GRIA1: variants seen among roughly 807,000 people sequenced by gnomAD.
GRIA1 encodes the protein glutamate receptor 1.
Under a neutral mutation model 99.2 loss-of-function variants are expected in GRIA1, and 31 were observed. The ratio of observed to expected loss-of-function variants is 0.31; its 90% CI spans 0.23 to 0.42. The LOEUF is 0.42. Ranked by LOEUF, GRIA1 falls within the 10% of genes least tolerant of loss-of-function variation. GRIA1 has a pLI of 1.00. For missense variants in GRIA1, 782 were observed against 1,157.5 expected (o/e 0.68, Z 4.71); for synonymous variants, 438 against 432.4 (o/e 1.01, Z -0.16).
intron 2 of GRIA1, among the ~76,000 whole-genome samples, chr5:153,579,171 TC>T (rs1035583865): frequency 6.6e-6 from 1 of 152,170 alleles, no homozygotes; most frequent in African/African-American, 2.4e-5. Flanking sequence ...AACCATCATT[TC>T]CCCAAAGCTC....
chr5:153,492,952 A>AT (rs1754065652), intron 1 of GRIA1, among the ~76,000 whole-genome samples: 1 of 152,224 alleles, frequency 6.6e-6, no homozygotes, highest in African/African-American at 2.4e-5. Context: ...TTAGAAGTGC[A>AT]TTATGTTTGG....
chr5:153,517,557 GGCA>G (rs999772677), intron 2 of GRIA1, among the ~76,000 whole-genome samples: 24 of 152,272 alleles, frequency 1.6e-4, no homozygotes, highest in African/African-American at 5.8e-4. Flanking sequence ...AAGTAGCTGT[GGCA>G]GCTCCTTATA....
At chr5:153,541,872 G>A (rs1180429831) in intron 2 of GRIA1, among the ~76,000 whole-genome samples, 1 of 145,890 alleles carries the variant, frequency 6.9e-6, no homozygotes, top group African/African-American at 2.5e-5. Flanking sequence ...GGAGGTTGCA[G>A]TGAGCTGAGA....
chr5:153,627,462 C>A (rs113654289), intron 2 of GRIA1, among the ~76,000 whole-genome samples: 217 of 152,276 alleles, frequency 1.4e-3, no homozygotes, highest in Middle Eastern at 6.8e-3. Context: ...TTCCAGGTGG[C>A]CTTTCAGCCC....
chr5:153,580,769 A>G (rs762881195), intron 2 of GRIA1, among the ~76,000 whole-genome samples: 2 of 152,162 alleles, frequency 1.3e-5, no homozygotes, highest in Non-Finnish European at 2.9e-5. Flanking sequence ...TGAAATTTGG[A>G]TTCAGGAAGA....
At chr5:153,758,640 G>C (rs1284760055) in intron 11 of GRIA1, among the ~76,000 whole-genome samples, 1 of 151,920 alleles carries the variant, frequency 6.6e-6, no homozygotes, top group Admixed American at 6.6e-5. Context: ...TTCCACAATA[G>C]AGAGATCATC....
chr5:153,600,770 T>C (rs1764881912), intron 2 of GRIA1, among the ~76,000 whole-genome samples: 1 of 152,184 alleles, frequency 6.6e-6, no homozygotes, highest in South Asian at 2.1e-4. Context: ...TCCTTATGTC[T>C]CACAGCCTGG....
At chr5:153,506,623 C>T (rs1389479236) in intron 2 of GRIA1, among the ~76,000 whole-genome samples, 2 of 152,070 alleles carry the variant, frequency 1.3e-5, no homozygotes, top group African/African-American at 4.8e-5. Context: ...AGGTGTCACA[C>T]CTACAAGGGA....
intron 12 of GRIA1, among the ~76,000 whole-genome samples, chr5:153,769,914 A>G (rs34286550): frequency 0.38 from 57,401 of 151,786 alleles, 11,942 homozygotes; most frequent in East Asian, 0.93. Flanking sequence ...CTTGTTTAGG[A>G]GGAATATAAT....
chr5:153,777,729 G>A (rs1267706585), intron 13 of GRIA1, among the ~76,000 whole-genome samples: 1 of 151,972 alleles, frequency 6.6e-6, no homozygotes, highest in African/African-American at 2.4e-5. Flanking sequence ...AAATATCTCT[G>A]AGAACAATTT....
At chr5:153,500,595 T>TCTCCCC (rs1276113925) in intron 2 of GRIA1, among the ~76,000 whole-genome samples, 1 of 146,762 alleles carries the variant, frequency 6.8e-6, no homozygotes, top group African/African-American at 2.5e-5. Flanking sequence ...TCTCTCTCTC[T>TCTCCCC]CTCCCCCTCT....
intron 13 of GRIA1, among the ~76,000 whole-genome samples, chr5:153,772,523 T>C (rs1263264274): frequency 6.6e-6 from 1 of 152,056 alleles, no homozygotes; most frequent in Non-Finnish European, 1.5e-5. Flanking sequence ...CAAAGAGGAA[T>C]GAAAATACTT....
At chr5:153,514,424 C>G (rs542178037) in intron 2 of GRIA1, among the ~76,000 whole-genome samples, 1 of 152,144 alleles carries the variant, frequency 6.6e-6, no homozygotes, top group Admixed American at 6.5e-5. Context: ...CCAGCTTTTC[C>G]GGCACCATTT....
At chr5:153,611,659 C>G (rs765043926) in intron 2 of GRIA1, among the ~76,000 whole-genome samples, 1 of 152,150 alleles carries the variant, frequency 6.6e-6, no homozygotes, top group East Asian at 1.9e-4. Flanking sequence ...AAGTCGGAGG[C>G]AGCTTTTTAA....
intron 2 of GRIA1, among the ~76,000 whole-genome samples, chr5:153,531,382 C>T (rs1758085179): frequency 6.6e-6 from 1 of 152,122 alleles, no homozygotes; most frequent in Admixed American, 6.6e-5. Flanking sequence ...CAGGAACTGC[C>T]TTCTGTGTAT....
chr5:153,695,193 G>A (rs1490081442), intron 8 of GRIA1, among the ~76,000 whole-genome samples: 1 of 152,098 alleles, frequency 6.6e-6, no homozygotes, highest in Non-Finnish European at 1.5e-5. Flanking sequence ...TATCTGTAAA[G>A]CAGAGAAAAT....
At chr5:153,757,961 AAG>A (rs1341758113) in intron 11 of GRIA1, among the ~76,000 whole-genome samples, 4 of 152,166 alleles carry the variant, frequency 2.6e-5, no homozygotes, top group African/African-American at 9.6e-5. Flanking sequence ...CAAAGACTGA[AAG>A]ACAAAACTAT....
At chr5:153,772,123 A>G (rs1284783647) in intron 13 of GRIA1, among the ~76,000 whole-genome samples, 1 of 152,222 alleles carries the variant, frequency 6.6e-6, no homozygotes, top group Admixed American at 6.5e-5. Context: ...TAATAAATAG[A>G]TAAAAATCAG....
chr5:153,780,682 G>A (rs1306162089), intron 13 of GRIA1, among the ~76,000 whole-genome samples: 1 of 152,178 alleles, frequency 6.6e-6, no homozygotes, highest in Non-Finnish European at 1.5e-5. Flanking sequence ...TCATAAGATT[G>A]TCTTGTGAAT....
Sources: allele counts gnomAD v4.1 joint callset (sites outside exome capture counted in the v4.1 genomes callset), GRCh38; gene constraint gnomAD v4.1.1; transcripts MANE v1.5; gene names NCBI Gene and HGNC (gene_info 2026-07-23, HGNC 2026-07-21).